The following ATG7 variants were observed in gnomAD, a reference collection of about 807,000 sequenced individuals.
ATG7 encodes ubiquitin-like modifier-activating enzyme ATG7.
Under a neutral mutation model 82.4 loss-of-function variants are expected in ATG7, and 70 were observed. The observed-to-expected ratio is 0.85, with a 90% CI of 0.70 to 1.04. The LOEUF (loss-of-function observed/expected upper bound fraction) is 1.04, where lower values mean the gene tolerates loss of function less well. Among genes scored for constraint, ATG7 ranks in the 50% least tolerant of loss-of-function variants. The pLI is 0.00. For synonymous variants in ATG7, 287 were observed against 313.0 expected (o/e 0.92, Z 0.88); for missense variants, 792 against 864.3 (o/e 0.92, Z 1.05).
chr3:11,467,060 G>T (rs148475546), intron 20 of ATG7, among the ~76,000 whole-genome samples: 2,216 of 152,198 alleles, frequency 0.015, 53 homozygotes, highest in African/African-American at 0.051. Flanking sequence ...AGAGGCAGAG[G>T]TTGCAGTGAG....
intron 20 of ATG7, among the ~76,000 whole-genome samples, chr3:11,513,927 TGTGTCACCACTA>T (rs2092174988): frequency 6.6e-6 from 1 of 152,248 alleles, no homozygotes; most frequent in African/African-American, 2.4e-5. Flanking sequence ...AGCATCTTGC[TGTGTCACCACTA>T]TGCAGTCTTG....
At chr3:11,561,891 C>CT (rs35380668), downstream of ATG7, among the ~76,000 whole-genome samples, 62,723 of 88,602 alleles carry the variant, frequency 0.71, 22,599 homozygotes, top group East Asian at 0.88. Flanking sequence ...CTGCGCCAAA[C>CT]TTTTTTTTTT....
rs373293798 is a variant in ATG7 at position 11,308,929 on chromosome 3, T to C, written c.334-55T>C. On this transcript the variant is annotated intron_variant, in intron 6 of 20. Coordinates refer to ENST00000693202, the MANE Select transcript of ATG7 (RefSeq NM_001349232.2). ...TTCAGCTCCACACTTCACCTGAGAG[T>C]GAGAAACTCAGAGATGCCTGGTAAC... 7.1e-5 allele frequency: 106 copies of C among 1,486,132 alleles called. No homozygotes were observed. The African/African-American group carries it at 1.2e-3, about 17-fold the overall frequency. The allele number at this position is 1,486,132 out of a possible 1,614,324, so 92.1% of individuals were successfully genotyped here.
chr3:11,481,923 G>A (rs2153033396), intron 20 of ATG7, among the ~76,000 whole-genome samples: 1 of 152,334 alleles, frequency 6.6e-6, no homozygotes, highest in South Asian at 2.1e-4. Flanking sequence ...ATGTTTGTGA[G>A]AGCACTTAGT....
intron 3 of ATG7, among the ~76,000 whole-genome samples, chr3:11,286,320 A>G (rs1201933979): frequency 6.6e-6 from 1 of 152,160 alleles, no homozygotes; most frequent in Non-Finnish European, 1.5e-5. Context: ...TGATTTGTGC[A>G]TGCATGTTTC....
intron 20 of ATG7, among the ~76,000 whole-genome samples, chr3:11,525,057 T>A (rs1041381724): frequency 1.3e-5 from 2 of 152,044 alleles, no homozygotes; most frequent in African/African-American, 4.8e-5. Flanking sequence ...ATTTATTTAT[T>A]TTTGAGACTG....
intron 19 of ATG7, among the ~76,000 whole-genome samples, chr3:11,394,651 C>A (rs1165703429): frequency 7.2e-5 from 11 of 152,178 alleles, no homozygotes; most frequent in Non-Finnish European, 1.5e-5. Flanking sequence ...TCAAGAGATA[C>A]ACCTAGGAGT....
intron 10 of ATG7, 68 bp from the exon 11 acceptor site, chr3:11,332,904 G>A: frequency 1.5e-6 from 2 of 1,359,388 alleles, no homozygotes; most frequent in Admixed American, 3.5e-5. Flanking sequence ...AAGCTCTTAT[G>A]TGAGCTTTTT....
intron 20 of ATG7, among the ~76,000 whole-genome samples, chr3:11,524,009 A>G (rs1215218176): frequency 6.6e-6 from 1 of 152,222 alleles, no homozygotes; most frequent in African/African-American, 2.4e-5. Flanking sequence ...TCTGTGATTT[A>G]AAGTTGAGTT....
At chr3:11,331,220 A>G (rs1575495215) in intron 9 of ATG7, 120 bp from the exon 10 acceptor site, 1 of 794,022 alleles carries the variant, frequency 1.3e-6, no homozygotes, top group South Asian at 1.6e-5. Context: ...CCTTTACCAG[A>G]TGTTTAATTT....
chr3:11,344,306 A>C (rs574820669), intron 13 of ATG7, among the ~76,000 whole-genome samples: 6 of 152,316 alleles, frequency 3.9e-5, no homozygotes, highest in African/African-American at 1.4e-4. Context: ...GAGAGTTGAT[A>C]TCTTTGTTTT....
intron 20 of ATG7, among the ~76,000 whole-genome samples, chr3:11,511,893 C>T (rs1019210842): frequency 7.2e-5 from 11 of 152,074 alleles, no homozygotes; most frequent in Non-Finnish European, 1.0e-4. Flanking sequence ...GCTCCGAATG[C>T]GGGGCCCACC....
At chr3:11,275,200 G>T (rs1941445806) in intron 1 of ATG7, among the ~76,000 whole-genome samples, 1 of 152,150 alleles carries the variant, frequency 6.6e-6, no homozygotes, top group Admixed American at 6.5e-5. Context: ...TGAATTTGCT[G>T]TGTGGAATTG....
At chr3:11,295,206 TG>T (rs755048134) in intron 3 of ATG7, among the ~76,000 whole-genome samples, 175 of 152,320 alleles carry the variant, frequency 1.1e-3, no homozygotes, top group Non-Finnish European at 2.1e-3. Flanking sequence ...CAAGCCACAC[TG>T]AGGCAGTGGG....
intron 20 of ATG7, among the ~76,000 whole-genome samples, chr3:11,512,562 G>A (rs940752283): frequency 1.3e-5 from 2 of 152,194 alleles, no homozygotes; most frequent in Non-Finnish European, 1.5e-5. Context: ...ATGGACCGTC[G>A]CAGTGAGTGT....
intron 20 of ATG7, among the ~76,000 whole-genome samples, chr3:11,497,357 C>CTATATATATATATATATATATATA (rs58838386): frequency 8.7e-4 from 50 of 57,310 alleles, no homozygotes; most frequent in South Asian, 1.8e-3. Flanking sequence ...ACTAAAAATA[C>CTATATATATATATATATATATATA]TATATATATA....
At chr3:11,398,755 A>G (rs2152890344) in intron 19 of ATG7, among the ~76,000 whole-genome samples, 2 of 152,282 alleles carry the variant, frequency 1.3e-5, no homozygotes, top group South Asian at 2.1e-4. Flanking sequence ...GGAGGCTGAG[A>G]TAGGAGGATT....
chr3:11,485,173 G>A (rs1172555699), intron 20 of ATG7, among the ~76,000 whole-genome samples: 1 of 152,202 alleles, frequency 6.6e-6, no homozygotes, highest in Non-Finnish European at 1.5e-5. Context: ...GTGTAAAAGT[G>A]TTCCTATTTC....
At chr3:11,417,800 A>ATTTTTTTTTT (rs1314378737) in intron 19 of ATG7, among the ~76,000 whole-genome samples, 29 of 109,348 alleles carry the variant, frequency 2.7e-4, no homozygotes, top group Non-Finnish European at 3.6e-4. Flanking sequence ...TATTATTATT[A>ATTTTTTTTTT]TTTTATTTTA....
Sources: allele counts gnomAD v4.1 joint callset (sites outside exome capture counted in the v4.1 genomes callset), GRCh38; gene constraint gnomAD v4.1.1; transcripts MANE v1.5; gene names NCBI Gene and HGNC (gene_info 2026-07-23, HGNC 2026-07-21).